ZNF138: variants seen among roughly 807,000 people sequenced by gnomAD.
ZNF138 encodes the protein zinc finger protein 138.
A neutral mutation model predicts 33.0 loss-of-function variants in ZNF138; 33 were observed. That is an observed-to-expected ratio of 1.00 (90% CI 0.76 to 1.34). The LOEUF (loss-of-function observed/expected upper bound fraction) is 1.34. Among genes scored for constraint, ZNF138 ranks in the 40% most tolerant of loss-of-function variants. The probability of loss-of-function intolerance (pLI) is 0.00; values close to 1 mark genes in which losing one functional copy is unlikely to be tolerated. For missense variants in ZNF138, 360 were observed against 370.8 expected, an observed-to-expected ratio of 0.97 and a Z score of 0.24; for synonymous variants, 139 against 120.4, an observed-to-expected ratio of 1.15 and a Z score of -1.01.
intron 3 of ZNF138, chr7:64,830,858 T>G (rs1232637949): frequency 7.1e-7 from 1 of 1,414,868 alleles, no homozygotes; most frequent in Non-Finnish European, 9.3e-7. Context: ...GTCTGAAATT[T>G]TTTAGGGTTT....
downstream of ZNF138, chr7:64,836,450 C>T (rs1304594933): frequency 1.3e-5 from 2 of 152,128 alleles, no homozygotes; most frequent in African/African-American, 4.8e-5. Flanking sequence ...TCGGATAACC[C>T]TGTGACAGTG....
In ZNF138 at chr7:64,833,194, C is replaced by T. The variant is rs1469419951; in HGVS notation, c.*992C>T. ...GTGAAAAATTTGGTAAATTCTTTAA[C>T]AAGTCTTCAACCCTTTCTGCACATA... is the stretch of plus-strand genomic sequence containing the variant. On this transcript the variant is annotated 3_prime_UTR_variant, in exon 4 of 4. Transcript: ENST00000307355. 8.1e-6 allele frequency: 2 copies of T among 245,832 alleles called. No homozygotes were observed. Among genetic ancestry groups the T allele is most frequent in the Non-Finnish European group, 1.6e-5 (2 of 121,974 alleles). 15.2% of individuals were successfully genotyped at this position (245,832 alleles called of 1,614,324 possible). A position where few individuals can be genotyped will look rare whatever the true frequency, so the allele number is the denominator to read the frequency against.
In ZNF138 at chr7:64,832,336, GT is replaced by G. The variant is rs1790161870; in HGVS notation, c.*135del. The G allele has an allele frequency of 1.3e-6, 2 of 1,569,408 alleles. No homozygotes were observed. The highest frequency in any genetic ancestry group is 2.4e-5 in the South Asian group (2 of 83,264). On this transcript the variant is annotated 3_prime_UTR_variant, in exon 4 of 4. Coordinates refer to ENST00000307355, the MANE Select transcript of ZNF138 (RefSeq NM_001271639.2). ...CATAGCGGAGAGAAACCCCACAAAT[GT>G]GAAGAATGTGGCAGAGCTTTTAACC...
chr7:64,839,310 G>T, the ZNF138 span, among the ~76,000 whole-genome samples: 46,341 of 152,056 alleles, frequency 0.3, 8,057 homozygotes, highest in South Asian at 0.46. Context: ...GCACCCTAAG[G>T]GGGTGTTTTG....
At chr7:64,852,643 C>T in the ZNF138 span, 1 of 1,428,988 alleles carries the variant, frequency 7.0e-7, no homozygotes, top group Non-Finnish European at 9.9e-7. Context: ...TCATCATCAC[C>T]TCCTCGTAGG....
At chr7:64,834,166 C>T (rs1439738829), downstream of ZNF138, among the ~76,000 whole-genome samples, 3 of 151,936 alleles carry the variant, frequency 2.0e-5, no homozygotes, top group South Asian at 4.1e-4. Flanking sequence ...GCTCAAACTT[C>T]GTTCAACATC....
intron 3 of ZNF138, among the ~76,000 whole-genome samples, chr7:64,816,869 T>A (rs749320180): frequency 6.6e-6 from 1 of 152,146 alleles, no homozygotes. Flanking sequence ...GGGTTTGTAA[T>A]GGAGAGGGGT....
intron 1 of ZNF138, among the ~76,000 whole-genome samples, chr7:64,803,129 AT>A (rs148097901): frequency 9.9e-5 from 15 of 152,008 alleles, no homozygotes; most frequent in South Asian, 2.1e-4. Flanking sequence ...TTATATGTAG[AT>A]TTTTTTCTTT....
chr7:64,809,698 A>T (rs1397078966), intron 1 of ZNF138, among the ~76,000 whole-genome samples: 2 of 145,744 alleles, frequency 1.4e-5, no homozygotes, highest in Admixed American at 1.4e-4. Context: ...CTCACTTCTC[A>T]GACGGGGCGG....
At chr7:64,836,209 G>A (rs1271513339), downstream of ZNF138, 1 of 152,110 alleles carries the variant, frequency 6.6e-6, no homozygotes, top group Admixed American at 6.6e-5. Flanking sequence ...AGGGGTGGAT[G>A]AATTTCTTGT....
chr7:64,807,102 A>T (rs888378089), intron 1 of ZNF138, among the ~76,000 whole-genome samples: 1 of 152,262 alleles, frequency 6.6e-6, no homozygotes, highest in Non-Finnish European at 1.5e-5. Flanking sequence ...CCTGCTGCAG[A>T]TAACAAGCCA....
At chr7:64,825,373 C>T (rs544061229) in intron 3 of ZNF138, among the ~76,000 whole-genome samples, 8 of 150,994 alleles carry the variant, frequency 5.3e-5, no homozygotes, top group South Asian at 2.1e-4. Flanking sequence ...GGAGTCTCAC[C>T]GTGTTAGCCA....
chr7:64,794,605 G>A lies in ZNF138; in HGVS notation c.3+34G>A, dbSNP rs768273538. ...GCTGGGTCCGACATCCCGAGAGAGG[G>A]GGAGGGAGCTGGTTGGAACCGGTCG... On this transcript the variant is annotated intron_variant, in intron 1 of 3. Transcript: ENST00000307355. The A allele has an allele frequency of 6.8e-6, 11 of 1,613,306 alleles. 1 individual carries two copies. In the South Asian group the frequency reaches 1.2e-4, roughly 18 times the overall value.
intron 1 of ZNF138, among the ~76,000 whole-genome samples, chr7:64,812,440 G>A (rs1034535324): frequency 1.4e-4 from 22 of 152,140 alleles, no homozygotes; most frequent in African/African-American, 5.3e-4. Context: ...GATTACAGGT[G>A]TGATCCACTG....
intron 1 of ZNF138, among the ~76,000 whole-genome samples, chr7:64,800,000 G>A (rs1174619441): frequency 1.3e-5 from 2 of 152,086 alleles, no homozygotes; most frequent in African/African-American, 4.8e-5. Flanking sequence ...GATGTACAGG[G>A]ATCCTACTAA....
At chr7:64,816,852 G>A (rs1197934135) in intron 3 of ZNF138, among the ~76,000 whole-genome samples, 1 of 152,166 alleles carries the variant, frequency 6.6e-6, no homozygotes, top group African/African-American at 2.4e-5. Context: ...GTGATGGGAT[G>A]CCCTCTGGGT....
chr7:64,794,659 C>G (rs765574087), intron 1 of ZNF138, 88 bp downstream of exon 1: 2 of 1,589,944 alleles, frequency 1.3e-6, no homozygotes, highest in African/African-American at 1.3e-5. Context: ...CTCGGGTCTT[C>G]CCGCAGTCGG....
intron 3 of ZNF138, among the ~76,000 whole-genome samples, chr7:64,820,498 A>G (rs376001844): frequency 1.4e-4 from 21 of 151,680 alleles, no homozygotes; most frequent in Admixed American, 7.9e-4. Flanking sequence ...TAGATGTTCA[A>G]ATATGTTTTT....
chr7:64,851,224 T>G, the ZNF138 span, among the ~76,000 whole-genome samples: 1 of 152,220 alleles, frequency 6.6e-6, no homozygotes, highest in Admixed American at 6.5e-5. Flanking sequence ...TTTGTATTTT[T>G]TGATCAACCC....
Sources: allele counts gnomAD v4.1 joint callset (sites outside exome capture counted in the v4.1 genomes callset), GRCh38; gene constraint gnomAD v4.1.1; transcripts MANE v1.5; gene names NCBI Gene and HGNC (gene_info 2026-07-23, HGNC 2026-07-21).